Variants in CACNA2D1 observed in about 807,000 individuals in gnomAD.
CACNA2D1 encodes calcium voltage-gated channel auxiliary subunit alpha2delta 1.
In CACNA2D1, 53 loss-of-function variants were observed where a neutral mutation model predicts 171.5. The ratio of observed to expected loss-of-function variants is 0.31; its 90% CI spans 0.25 to 0.39. The LOEUF is 0.39. Ranked by LOEUF, CACNA2D1 falls within the 10% of genes least tolerant of loss-of-function variation. The pLI, the probability that CACNA2D1 is intolerant of heterozygous loss-of-function variation, is 1.00. For missense variants in CACNA2D1, 903 were observed against 1,299.8 expected, an observed-to-expected ratio of 0.69 and a Z score of 4.69; for synonymous variants, 442 against 443.1, an observed-to-expected ratio of 1.00 and a Z score of 0.03.
chr7:82,121,004 A>T (rs974581577), intron 5 of CACNA2D1, among the ~76,000 whole-genome samples: 1 of 152,120 alleles, frequency 6.6e-6, no homozygotes, highest in Non-Finnish European at 1.5e-5. Flanking sequence ...CTGCTAATTA[A>T]AGATTGTTAC....
chr7:82,066,627 A>C, intron 7 of CACNA2D1, 103 bp from the exon 8 acceptor site: 2 of 1,446,404 alleles, frequency 1.4e-6, no homozygotes, highest in Non-Finnish European at 1.8e-6. Flanking sequence ...ACATAATTTC[A>C]CTTACGTACT....
chr7:81,972,871 A>C (rs1272880715), intron 25 of CACNA2D1, among the ~76,000 whole-genome samples: 2 of 152,020 alleles, frequency 1.3e-5, no homozygotes, highest in Non-Finnish European at 2.9e-5. Flanking sequence ...AAGTTAATAT[A>C]TCTTACACCT....
rs565978579 is a variant in CACNA2D1 at position 82,210,939 on chromosome 7, G to A, written c.295-40330C>T. Reference sequence around the variant, plus strand: ...TAGAACAGTAATAATATATGCAGTAGAAAAAAATACCTGAGGTTTTTTATG... The same window carrying A: ...TAGAACAGTAATAATATATGCAGTAAAAAAAAATACCTGAGGTTTTTTATG... On this transcript the variant is annotated intron_variant, in intron 3 of 38. Coordinates refer to ENST00000356860, the MANE Select transcript of CACNA2D1 (RefSeq NM_000722.4). Among the ~76,000 whole-genome samples the A allele has an allele frequency of 3.9e-5, 6 of 152,192 alleles. No individual in the cohort carries two copies. The South Asian group carries it at 1.2e-3, about 32-fold the overall frequency.
chr7:82,299,060 C>CA (rs11438533), intron 3 of CACNA2D1, among the ~76,000 whole-genome samples: 61,791 of 111,386 alleles, frequency 0.55, 17,045 homozygotes, highest in African/African-American at 0.77. Flanking sequence ...GAGACTCTGT[C>CA]AAAAAAAAAA....
chr7:82,104,266 C>T (rs1016120027), intron 6 of CACNA2D1, among the ~76,000 whole-genome samples: 2 of 151,898 alleles, frequency 1.3e-5, no homozygotes, highest in Admixed American at 6.5e-5. Flanking sequence ...TGTTCAAGAA[C>T]TTGTATTAAC....
At chr7:82,327,964 C>G (rs575899870) in intron 3 of CACNA2D1, among the ~76,000 whole-genome samples, 4 of 152,016 alleles carry the variant, frequency 2.6e-5, no homozygotes, top group African/African-American at 9.7e-5. Context: ...TTCTGCTAAA[C>G]TAGTTTTGTT....
At chr7:82,066,655 G>A in intron 7 of CACNA2D1, 131 bp from the exon 8 acceptor site, 1 of 1,336,218 alleles carries the variant, frequency 7.5e-7, no homozygotes, top group Non-Finnish European at 1.0e-6. Context: ...TCAAATGAGA[G>A]ATATCATTTT....
At chr7:82,364,575 CT>C (rs1821467589) in intron 1 of CACNA2D1, among the ~76,000 whole-genome samples, 1 of 152,324 alleles carries the variant, frequency 6.6e-6, no homozygotes, top group East Asian at 1.9e-4. Context: ...AAACTGCTAT[CT>C]AAGAAGTGCA....
chr7:82,236,815 C>G (rs1404182010), intron 3 of CACNA2D1, among the ~76,000 whole-genome samples: 1 of 151,902 alleles, frequency 6.6e-6, no homozygotes, highest in African/African-American at 2.4e-5. Context: ...TCACTTACGG[C>G]AGATTTTCAT....
intron 11 of CACNA2D1, among the ~76,000 whole-genome samples, chr7:82,037,834 A>C (rs1803495253): frequency 6.6e-6 from 1 of 152,216 alleles, no homozygotes; most frequent in Admixed American, 6.5e-5. Context: ...TTTCCTTATA[A>C]ATTTTTTTAA....
intron 3 of CACNA2D1, among the ~76,000 whole-genome samples, chr7:82,278,270 T>C (rs1809614741): frequency 6.6e-6 from 1 of 152,036 alleles, no homozygotes; most frequent in East Asian, 1.9e-4. Context: ...TATACTTATA[T>C]CAACAAACAA....
chr7:81,974,916 G>A (rs750725854), intron 24 of CACNA2D1, among the ~76,000 whole-genome samples: 3 of 151,936 alleles, frequency 2.0e-5, no homozygotes, highest in Non-Finnish European at 4.4e-5. Context: ...CCTAATGCAT[G>A]CGGGGTTTAA....
intron 1 of CACNA2D1, among the ~76,000 whole-genome samples, chr7:82,414,381 A>C (rs77060920): frequency 0.01 from 1,577 of 152,250 alleles, 67 homozygotes; most frequent in Admixed American, 0.077. Flanking sequence ...GTACCCAAGG[A>C]CCCCTGGCTA....
chr7:81,952,052 GT>G (rs1792657266), intron 38 of CACNA2D1, among the ~76,000 whole-genome samples: 2 of 132,852 alleles, frequency 1.5e-5, no homozygotes, highest in Non-Finnish European at 3.1e-5. Flanking sequence ...GTATCACATT[GT>G]GGTTTTAACA....
intron 3 of CACNA2D1, among the ~76,000 whole-genome samples, chr7:82,264,038 T>C (rs753663743): frequency 6.6e-6 from 1 of 152,236 alleles, no homozygotes; most frequent in South Asian, 2.1e-4. Context: ...AAACTCATTC[T>C]AAATTGGCAG....
intron 3 of CACNA2D1, among the ~76,000 whole-genome samples, chr7:82,188,453 T>C (rs1056412233): frequency 6.6e-6 from 1 of 152,052 alleles, no homozygotes; most frequent in Non-Finnish European, 1.5e-5. Flanking sequence ...CAAGAATCTG[T>C]CTAAATAAAT....
chr7:82,110,226 T>C (rs1268140563), intron 6 of CACNA2D1, among the ~76,000 whole-genome samples: 1 of 152,118 alleles, frequency 6.6e-6, no homozygotes, highest in African/African-American at 2.4e-5. Context: ...CTCCCAAAAT[T>C]CATATGTTGA....
intron 1 of CACNA2D1, among the ~76,000 whole-genome samples, chr7:82,361,341 A>G (rs1451130582): frequency 1.3e-5 from 2 of 152,204 alleles, no homozygotes; most frequent in African/African-American, 4.8e-5. Context: ...TTTAAAAATA[A>G]TGTTTATCAA....
At chr7:82,040,066 A>G (rs551084864) in intron 10 of CACNA2D1, among the ~76,000 whole-genome samples, 1 of 152,320 alleles carries the variant, frequency 6.6e-6, no homozygotes, top group South Asian at 2.1e-4. Flanking sequence ...AGCACAATAT[A>G]AAGCAGGGAG....
Sources: gnomAD v4.1 joint callset for allele counts (sites outside exome capture counted in the v4.1 genomes callset) on GRCh38, gnomAD v4.1.1 for gene constraint, MANE v1.5 for transcripts, NCBI Gene and HGNC (gene_info 2026-07-23, HGNC 2026-07-21) for gene names.